PUDP: variants seen among roughly 807,000 people sequenced by gnomAD.
The protein encoded by PUDP is pseudouridine-5'-phosphatase.
Under a neutral mutation model 9.4 loss-of-function variants are expected in PUDP, and 8 were observed. The ratio of observed to expected loss-of-function variants is 0.85; its 90% confidence interval spans 0.50 to 1.53. The LOEUF (loss-of-function observed/expected upper bound fraction) is 1.53, where lower values mean the gene tolerates loss of function less well. Ranked by LOEUF, PUDP falls within the 40% of genes most tolerant of loss-of-function variation. The pLI is 0.00. For missense variants in PUDP, 188 were observed against 189.7 expected, an observed-to-expected ratio of 0.99 and a Z score of 0.05; for synonymous variants, 99 against 80.7, an observed-to-expected ratio of 1.23 and a Z score of -1.22.
At chrX:7,060,543 T>C (rs1930371436) in intron 3 of PUDP, among the ~76,000 whole-genome samples, 1 of 112,145 alleles carries the variant, frequency 8.9e-6, no homozygotes, top group South Asian at 3.7e-4. Context: ...CTGCCATGGA[T>C]AACTGTGTAG....
At chrX:6,930,295 T>C (rs1928169276) in intron 3 of PUDP, among the ~76,000 whole-genome samples, 1 of 111,290 alleles carries the variant, frequency 9.0e-6, no homozygotes, top group Non-Finnish European at 1.9e-5. Context: ...GCAGGACTGG[T>C]GTCACCAGAG....
chrX:6,884,125 C>A (rs1465409859), intron 3 of PUDP, among the ~76,000 whole-genome samples: 1 of 112,400 alleles, frequency 8.9e-6, no homozygotes, highest in Non-Finnish European at 1.9e-5. Flanking sequence ...CAGGCGTGAG[C>A]CACCGTGCCG....
intron 3 of PUDP, among the ~76,000 whole-genome samples, chrX:6,837,891 C>CAAA (rs60159618): frequency 1.5e-4 from 15 of 98,937 alleles, no homozygotes; most frequent in South Asian, 4.7e-4. Flanking sequence ...CTATTTCTAC[C>CAAA]AAAAAAAAAA....
intron 3 of PUDP, among the ~76,000 whole-genome samples, chrX:6,808,889 G>A (rs1926094371): frequency 8.9e-6 from 1 of 112,260 alleles, no homozygotes; most frequent in Admixed American, 9.4e-5. Flanking sequence ...AAGAGGAAAC[G>A]GTTGCCTTGC....
At chrX:7,145,199 T>G (rs190074501) in intron 1 of PUDP, among the ~76,000 whole-genome samples, 1 of 112,525 alleles carries the variant, frequency 8.9e-6, no homozygotes, top group East Asian at 2.8e-4. Context: ...TTGTATTAAA[T>G]AATATTTTTG....
intron 3 of PUDP, among the ~76,000 whole-genome samples, chrX:6,839,666 GACC>G: frequency 9.0e-6 from 1 of 111,549 alleles, no homozygotes; most frequent in South Asian, 3.8e-4. Flanking sequence ...AACAACGAGA[GACC>G]ACCACACACC....
intron 3 of PUDP, among the ~76,000 whole-genome samples, chrX:6,900,126 A>T (rs1927652780): frequency 9.0e-6 from 1 of 110,788 alleles, no homozygotes; most frequent in Admixed American, 9.6e-5. Flanking sequence ...AGGTGGGAGG[A>T]TCACTTGACC....
At chrX:7,146,478 T>C (rs1932862164) in intron 1 of PUDP, among the ~76,000 whole-genome samples, 1 of 111,735 alleles carries the variant, frequency 8.9e-6, no homozygotes, top group South Asian at 3.8e-4. Context: ...GTCTACAAAC[T>C]ATACCTATGT....
At chrX:7,101,975 C>A (rs1931748642) in intron 2 of PUDP, among the ~76,000 whole-genome samples, 4 of 110,551 alleles carry the variant, frequency 3.6e-5, no homozygotes, top group Non-Finnish European at 5.7e-5. Context: ...ACAGAGAATC[C>A]CTGATGATTT....
At chrX:7,137,759 T>C (rs748177042) in intron 1 of PUDP, among the ~76,000 whole-genome samples, 4 of 112,187 alleles carry the variant, frequency 3.6e-5, no homozygotes, top group Non-Finnish European at 7.5e-5. Flanking sequence ...CTATTTAGGT[T>C]CCTGTGAGTA....
At chrX:7,060,341 G>A (rs1268070295) in intron 3 of PUDP, among the ~76,000 whole-genome samples, 1 of 112,137 alleles carries the variant, frequency 8.9e-6, no homozygotes, top group Non-Finnish European at 1.9e-5. Flanking sequence ...TGTTTTCACT[G>A]GCCTCCCATG....
At chrX:6,801,749 C>A (rs1925937757) in intron 3 of PUDP, among the ~76,000 whole-genome samples, 1 of 111,889 alleles carries the variant, frequency 8.9e-6, no homozygotes, top group African/African-American at 3.2e-5. Flanking sequence ...ACATGTGTCT[C>A]TTTGTAATTA....
intron 3 of PUDP, among the ~76,000 whole-genome samples, chrX:6,920,193 TTACCATATC>T (rs1928000840): frequency 9.1e-6 from 1 of 110,479 alleles, no homozygotes. Context: ...AGCTCTAATA[TTACCATATC>T]CCTCATCTCT....
At chrX:6,871,899 CTTACAT>C (rs1374468302) in intron 3 of PUDP, among the ~76,000 whole-genome samples, 3 of 111,688 alleles carry the variant, frequency 2.7e-5, no homozygotes, top group African/African-American at 9.8e-5. Flanking sequence ...TTAAAAAAAC[CTTACAT>C]TTATTTATCA....
intron 3 of PUDP, among the ~76,000 whole-genome samples, chrX:7,073,337 TTAA>T (rs1261602048): frequency 1.8e-5 from 2 of 112,442 alleles, no homozygotes; most frequent in Admixed American, 9.4e-5. Flanking sequence ...TTTAACATAA[TTAA>T]TAACCCTTTG....
At chrX:6,718,814 C>G (rs1298024725) in intron 1 of PUDP, among the ~76,000 whole-genome samples, 2 of 111,966 alleles carry the variant, frequency 1.8e-5, no homozygotes, top group Non-Finnish European at 3.8e-5. Flanking sequence ...CTAGAAGAGA[C>G]AAACTCCCAT....
At chrX:6,837,369 G>A (rs1402744037) in intron 3 of PUDP, among the ~76,000 whole-genome samples, 2 of 112,871 alleles carry the variant, frequency 1.8e-5, no homozygotes, top group African/African-American at 6.4e-5. Context: ...ACAAAGCTAC[G>A]ATGGAAGGGG....
At chrX:6,983,626 G>C (rs926912691) in intron 1 of PUDP, among the ~76,000 whole-genome samples, 1 of 111,362 alleles carries the variant, frequency 9.0e-6, no homozygotes, top group Non-Finnish European at 1.9e-5. Context: ...TTAGCCTTTC[G>C]GGAAGGGCTA....
intron 3 of PUDP, among the ~76,000 whole-genome samples, chrX:6,876,333 C>T: frequency 9.0e-6 from 1 of 111,222 alleles, no homozygotes; most frequent in East Asian, 2.8e-4. Flanking sequence ...GTATTAAATG[C>T]ATTTCAATTT....
Sources: allele counts gnomAD v4.1 joint callset (sites outside exome capture counted in the v4.1 genomes callset), GRCh38; gene constraint gnomAD v4.1.1; transcripts MANE v1.5; gene names NCBI Gene and HGNC (gene_info 2026-07-23, HGNC 2026-07-21).